Variants in ZC3HAV1 observed in about 807,000 individuals in gnomAD.
ZC3HAV1 encodes the protein zinc finger CCCH-type containing, antiviral 1.
Under a neutral mutation model 86.6 loss-of-function variants are expected in ZC3HAV1, and 41 were observed. The observed-to-expected ratio is 0.47, with a 90% CI of 0.37 to 0.61. ZC3HAV1 has a LOEUF of 0.61. ZC3HAV1 is among the 20% of genes least tolerant of loss of function. The pLI, the probability that ZC3HAV1 is intolerant of heterozygous loss-of-function variation, is 0.00. For missense variants in ZC3HAV1, 964 were observed against 1,141.1 expected (o/e 0.84, Z 2.24); for synonymous variants, 421 against 432.1 (o/e 0.97, Z 0.32).
At chr7:139,058,521 G>A (rs1816355572) in intron 9 of ZC3HAV1, among the ~76,000 whole-genome samples, 2 of 152,014 alleles carry the variant, frequency 1.3e-5, no homozygotes, top group African/African-American at 4.8e-5. Context: ...GGGGAGGGAG[G>A]GGGAAGGGAG....
At chr7:139,083,595 T>C (rs1817189069) in intron 3 of ZC3HAV1, among the ~76,000 whole-genome samples, 185 bp downstream of exon 3, 1 of 151,808 alleles carries the variant, frequency 6.6e-6, no homozygotes, top group Admixed American at 6.6e-5. Flanking sequence ...GGTGTGGTGG[T>C]GCACACCTGT....
At chr7:139,053,014 G>A (rs900731110) in intron 12 of ZC3HAV1, among the ~76,000 whole-genome samples, 1 of 152,098 alleles carries the variant, frequency 6.6e-6, no homozygotes, top group South Asian at 2.1e-4. Context: ...ACTTCAGACC[G>A]AGGTGACCCA....
At chr7:139,089,477 C>G (rs750234227) in intron 2 of ZC3HAV1, 147 bp downstream of exon 2, 38 of 1,032,812 alleles carry the variant, frequency 3.7e-5, no homozygotes, top group Non-Finnish European at 5.1e-5. Context: ...TTTCTGGGAT[C>G]TCTTAGTTCA....
chr7:139,080,785 G>A (rs937488641), intron 3 of ZC3HAV1, among the ~76,000 whole-genome samples: 1 of 152,078 alleles, frequency 6.6e-6, no homozygotes, highest in African/African-American at 2.4e-5. Flanking sequence ...TCATCACTGG[G>A]GTCAATGGAG....
At position 139,053,766 on chromosome 7, in the gene ZC3HAV1, C is replaced by A. The variant is rs556614359; in HGVS notation, c.2319-185G>T. ...TATGAAAACTTTTAAAAGATAGACACATGAAATCATTGAATTGTAAAGCAG... is the reference window on the plus strand; with the variant it reads ...TATGAAAACTTTTAAAAGATAGACAAATGAAATCATTGAATTGTAAAGCAG... On this transcript the variant is annotated intron_variant, in intron 11 of 12. Coordinates refer to ENST00000242351, the MANE Select transcript of ZC3HAV1 (RefSeq NM_020119.4). Among the ~76,000 whole-genome samples, 6 of 140,286 alleles carry A rather than the reference C, an allele frequency of 4.3e-5. No individual in the cohort carries two copies. The South Asian group carries it at 1.4e-3, about 32-fold the overall frequency. The allele number at this position is 140,286 out of a possible 152,430, so 92.0% of individuals were successfully genotyped here.
At chr7:139,065,672 G>A (rs1390481187) in intron 7 of ZC3HAV1, among the ~76,000 whole-genome samples, 2 of 152,150 alleles carry the variant, frequency 1.3e-5, no homozygotes, top group Non-Finnish European at 2.9e-5. Context: ...TTGGGAGGCT[G>A]AGGCAGGTGG....
At chr7:139,051,657 C>T (rs1039359294) in intron 12 of ZC3HAV1, among the ~76,000 whole-genome samples, 2 of 152,184 alleles carry the variant, frequency 1.3e-5, no homozygotes, top group East Asian at 3.9e-4. Context: ...CTCCTGGGCT[C>T]AAGTGATCCT....
At position 139,083,767 on chromosome 7, in the gene ZC3HAV1, A is replaced by G. The variant is rs1304545203; in HGVS notation, c.697+13T>C. 1.9e-6 allele frequency: 3 copies of G among 1,571,474 alleles called. No individual in the cohort carries two copies. The highest frequency in any genetic ancestry group is 2.3e-5 in the East Asian group (1 of 44,408). On this transcript the variant is annotated intron_variant, in intron 3 of 12. Coordinates refer to ENST00000242351, the MANE Select transcript of ZC3HAV1 (RefSeq NM_020119.4). ...AAAAGAGTTCACACAATTGAAAAAG[A>G]AAAGGCCTTTACCTCTGGGCCCTGG...
In ZC3HAV1 at chr7:139,076,288, G is replaced by C. The variant is rs2297241; in HGVS notation, c.1695C>G (p.His565Gln). 0.16 allele frequency: 251,732 copies of C among 1,613,932 alleles called. 24,249 individuals carry two copies. Among genetic ancestry groups the C allele is most frequent in the East Asian group, 0.41 (18,235 of 44,870 alleles). The part of the protein sequence containing the change: ...IEKGYCNPGI[H>Q]LCSVGSYTIN... ...CCAGAGTACAGCCACCAACTTACAG[G>C]TGGATTCCGGGGTTACAGTAGCCTT... Residue 565 changes from histidine (H) to glutamine (Q), a missense_variant and splice_region_variant, in exon 6 of 13, where the codon CAC becomes CAG. By Grantham distance (24) the His-to-Gln change is conservative. Transcript: ENST00000242351.
chr7:139,097,429 T>TATATATATATATATATATATA (rs1491244234), intron 1 of ZC3HAV1, among the ~76,000 whole-genome samples: 14 of 56,838 alleles, frequency 2.5e-4, no homozygotes, highest in African/African-American at 6.6e-4. Flanking sequence ...TATATATATA[T>TATATATATATATATATATATA]TTTTTTTTTT....
At chr7:139,095,650 C>T (rs544577991) in intron 1 of ZC3HAV1, among the ~76,000 whole-genome samples, 3 of 152,286 alleles carry the variant, frequency 2.0e-5, no homozygotes, top group Admixed American at 2.0e-4. Context: ...GCCAAGAATC[C>T]GCACATACCC....
intron 7 of ZC3HAV1, among the ~76,000 whole-genome samples, chr7:139,069,000 A>G (rs1816689885): frequency 6.6e-6 from 1 of 152,182 alleles, no homozygotes; most frequent in South Asian, 2.1e-4. Context: ...TGTCTGGGTC[A>G]ATTACCAGGT....
At chr7:139,082,605 C>T (rs1299716614) in intron 3 of ZC3HAV1, among the ~76,000 whole-genome samples, 1 of 151,928 alleles carries the variant, frequency 6.6e-6, no homozygotes, top group African/African-American at 2.4e-5. Flanking sequence ...AAATATCCAT[C>T]GACAGATGAA....
At chr7:139,105,354 C>T (rs1349245164) in intron 1 of ZC3HAV1, among the ~76,000 whole-genome samples, 2 of 152,180 alleles carry the variant, frequency 1.3e-5, no homozygotes, top group East Asian at 3.8e-4. Context: ...AAAATACTAC[C>T]TTAGGAGCTA....
intron 10 of ZC3HAV1, among the ~76,000 whole-genome samples, chr7:139,054,904 C>T (rs183254053): frequency 6.6e-6 from 1 of 152,310 alleles, no homozygotes; most frequent in East Asian, 1.9e-4. Context: ...TCTCCTGTCT[C>T]AGCATCCCAA....
chr7:139,109,416 CGGGCGCGGGCGGTGCTACTGCT>C lies in ZC3HAV1; in HGVS notation c.-107_-86del. The C allele has an allele frequency of 7.0e-7, 1 of 1,425,910 alleles. No homozygotes were observed. Among genetic ancestry groups the C allele is most frequent in the Non-Finnish European group, 9.2e-7 (1 of 1,090,126 alleles). 88.3% of individuals were successfully genotyped at this position (1,425,910 alleles called of 1,614,324 possible). A position where few individuals can be genotyped will look rare whatever the true frequency, so the allele number is the denominator to read the frequency against. ...ATCGAAACTTACAAGTGTCCAGGGG[CGGGCGCGGGCGGTGCTACTGCT>C]GGGCGCGCCCGGAGTCAGCGAGGGC... is the stretch of plus-strand genomic sequence containing the variant. On this transcript the variant is annotated 5_prime_UTR_variant, in exon 1 of 13. Coordinates refer to ENST00000242351, the MANE Select transcript of ZC3HAV1 (RefSeq NM_020119.4).
chr7:139,108,923 G>C lies in ZC3HAV1; in HGVS notation c.308+101C>G, dbSNP rs1325928078. On this transcript the variant is annotated intron_variant, in intron 1 of 12. Transcript: ENST00000242351. The surrounding 1 kb of genome is among the most constrained non-coding windows in gnomAD (Gnocchi z 4.2). ...GCTGGAGGCGGAGGCTGTCAGGTGCGGGGTCCCGGCGAAGCCGTGCCCCTC... is the reference window on the plus strand; with the variant it reads ...GCTGGAGGCGGAGGCTGTCAGGTGCCGGGTCCCGGCGAAGCCGTGCCCCTC... 29 of 1,396,334 alleles carry C rather than the reference G, an allele frequency of 2.1e-5. No homozygotes were observed. The highest frequency in any genetic ancestry group is 5.0e-4 in the Middle Eastern group (2 of 3,968). 86.5% of individuals were successfully genotyped at this position (1,396,334 alleles called of 1,614,324 possible). A position where few individuals can be genotyped will look rare whatever the true frequency, so the allele number is the denominator to read the frequency against.
rs776313383 is a variant in ZC3HAV1 at position 139,080,031 on chromosome 7, C to T, written c.910G>A (p.Asp304Asn). ...GAGCCTGAGGGAGGCCGAGCGCGAT[C>T]CTGACTCCCCAGATACGTGAACTTG... ...TRKFTYLGSQ[D>N]RARPPSGSSK... is the part of the protein sequence containing the mutation. The change falls in exon 4 of 13, where the codon GAT becomes AAT. Residue 304 changes from aspartate (D) to asparagine (N), a missense_variant. Physicochemically the swap from Asp to Asn is conservative, Grantham distance 23 (BLOSUM62 1). Transcript: ENST00000242351. 1.2e-6 allele frequency: 2 copies of T among 1,614,040 alleles called. No individual in the cohort carries two copies. Among genetic ancestry groups the T allele is most frequent in the South Asian group, 1.1e-5 (1 of 91,092 alleles).
chr7:139,068,861 C>T (rs777859991), intron 7 of ZC3HAV1, among the ~76,000 whole-genome samples: 7 of 152,204 alleles, frequency 4.6e-5, no homozygotes, highest in Non-Finnish European at 5.9e-5. Flanking sequence ...TCATTCAACC[C>T]TCGCTGTTGT....
Sources: gnomAD v4.1 joint callset for allele counts (sites outside exome capture counted in the v4.1 genomes callset) on GRCh38, gnomAD v4.1.1 for gene constraint, Gnocchi (gnomAD v3.1) non-coding constraint, MANE v1.5 for transcripts, NCBI Gene and HGNC (gene_info 2026-07-23, HGNC 2026-07-21) for gene names.